The following JAK3 variants were observed in gnomAD, a reference collection of about 807,000 sequenced individuals.
The protein encoded by JAK3 is Janus kinase 3.
In JAK3, 88 loss-of-function variants were observed where a neutral mutation model predicts 120.8. That is an observed-to-expected ratio of 0.73 (90% confidence interval 0.61 to 0.87). The LOEUF (loss-of-function observed/expected upper bound fraction) is 0.87, where lower values mean the gene tolerates loss of function less well. Among genes scored for constraint, JAK3 ranks in the 40% least tolerant of loss-of-function variants. The pLI is 0.00. For missense variants in JAK3, 1,254 were observed against 1,501.4 expected (o/e 0.84, Z 2.72); for synonymous variants, 592 against 628.6 (o/e 0.94, Z 0.87).
At chr19:17,833,491 T>A (rs2094218088) in intron 17 of JAK3, among the ~76,000 whole-genome samples, 1 of 147,426 alleles carries the variant, frequency 6.8e-6, no homozygotes. Flanking sequence ...GAGGATTGCT[T>A]GAGCCAGTAA....
rs1218976425 is a variant in JAK3, at chr19:17,840,242, A to C, written c.1242T>G (p.Thr414=). 1 of 1,612,752 alleles carries C rather than the reference A, an allele frequency of 6.2e-7. No homozygotes were observed. Among genetic ancestry groups the C allele is most frequent in the Admixed American group, 1.7e-5 (1 of 60,000 alleles). ...GCAGTAGACCGACCTGGACACAGAC[A>C]GTGAGGAGGAAGCTGTCAAAGTCCT... ...SPQDFDSFLL[T]VCVQNPLGPD... is the part of the protein sequence containing the mutation. The change falls in exon 9 of 24, where the codon ACT becomes ACG. Residue 414 remains threonine, a synonymous_variant. Coordinates refer to ENST00000458235, the MANE Select transcript of JAK3 (RefSeq NM_000215.4).
chr19:17,834,825 G>T (rs1158660960), intron 16 of JAK3, 27 bp downstream of exon 16: 2 of 1,613,718 alleles, frequency 1.2e-6, no homozygotes, highest in Non-Finnish European at 1.7e-6. Context: ...GGGGTTCGGA[G>T]ACCGATGCCG....
In JAK3 at chr19:17,841,302, C is replaced by T. The variant is rs1401732715; in HGVS notation, c.1142+87G>A. On this transcript the variant is annotated intron_variant, in intron 8 of 23. Transcript: ENST00000458235. This position sits in a 1 kb window ranked among gnomAD's most constrained non-coding sequence, Gnocchi z 4.1. The stretch of plus-strand genomic sequence containing the variant: ...TTGAAAACTTGACCCCTGTCCAGGG[C>T]TCCTGGAAGGTGAGGACACTGAGGC... The T allele has an allele frequency of 1.4e-6, 2 of 1,383,632 alleles. No homozygotes were observed. The highest frequency in any genetic ancestry group is 2.0e-6 in the Non-Finnish European group (2 of 1,017,582). 85.7% of individuals were successfully genotyped at this position (1,383,632 alleles called of 1,614,324 possible). A position where few individuals can be genotyped will look rare whatever the true frequency, so the allele number is the denominator to read the frequency against.
At chr19:17,838,542 TTTG>T (rs1156402741) in intron 10 of JAK3, 152 bp from the exon 11 acceptor site, 4 of 885,270 alleles carry the variant, frequency 4.5e-6, no homozygotes, top group South Asian at 4.3e-5. Context: ...TTGTTTTTGT[TTTG>T]TTGTTGCTGC....
intron 12 of JAK3, 137 bp downstream of exon 12, chr19:17,837,795 C>G: frequency 7.7e-7 from 1 of 1,291,710 alleles, no homozygotes; most frequent in Non-Finnish European, 1.1e-6. Flanking sequence ...ATCCTCCTGC[C>G]TCAGCCTCCC....
chr19:17,831,077 G>A lies in JAK3; in HGVS notation c.2978+151C>T. On this transcript the variant is annotated intron_variant, in intron 21 of 23. Coordinates refer to ENST00000458235, the MANE Select transcript of JAK3 (RefSeq NM_000215.4). This position sits in a 1 kb window ranked among gnomAD's most constrained non-coding sequence, Gnocchi z 5.1. ...GGAGCCAGTGCTGTTGAGGGGGCGG[G>A]GCTCTGGGGAGTGGGAGGGGCCAAA... 1.4e-6 allele frequency: 1 copy of A among 727,084 alleles called. No individual in the cohort carries two copies. Among genetic ancestry groups the A allele is most frequent in the East Asian group, 2.7e-5 (1 of 36,602 alleles). 45.0% of individuals were successfully genotyped at this position (727,084 alleles called of 1,614,324 possible).
chr19:17,844,169 T>C, intron 2 of JAK3, 65 bp downstream of exon 2: 1 of 1,484,172 alleles, frequency 6.7e-7, no homozygotes, highest in Non-Finnish European at 9.2e-7. Flanking sequence ...CTATTCCAGC[T>C]TCCAATCTTG....
At position 17,831,845 on chromosome 19, in the gene JAK3, C is replaced by T. The variant is rs550079184; in HGVS notation, c.2681-47G>A. On this transcript the variant is annotated intron_variant, in intron 19 of 23. Transcript: ENST00000458235. The surrounding 1 kb of genome is among the most constrained non-coding windows in gnomAD (Gnocchi z 5.1). ...ACAGCAGGGCCCAGCCCTGCTCGTC[C>T]CCCCATTCTTCCCCCCTTTCACAGT... 24 of 1,606,090 alleles carry T rather than the reference C, an allele frequency of 1.5e-5. No individual in the cohort carries two copies. In the African/African-American group the frequency reaches 2.7e-4, roughly 18 times the overall value.
At chr19:17,830,291 G>T (rs951241753) in intron 22 of JAK3, 73 bp from the exon 23 acceptor site, 33 of 1,214,714 alleles carry the variant, frequency 2.7e-5, no homozygotes, top group Middle Eastern at 2.7e-4. Context: ...CACCCGTGGT[G>T]GGGGTAGGGG....
In JAK3 at chr19:17,832,987, G is replaced by C. The variant is rs73922623; in HGVS notation, c.2351-58C>G. On this transcript the variant is annotated intron_variant, in intron 17 of 23. Transcript: ENST00000458235. This position sits in a 1 kb window ranked among gnomAD's most constrained non-coding sequence, Gnocchi z 4.7. ...GCCTCTCATCCTGGGCCCCACTCCT[G>C]AGTTGACTTGCTGTGCAACCTCCAT... The C allele has an allele frequency of 2.6e-3, 4,067 of 1,570,772 alleles. 101 individuals are homozygous for C. The African/African-American group carries it at 0.049, about 19-fold the overall frequency.
chr19:17,832,478 C>T lies in JAK3; in HGVS notation c.2680+41G>A. The T allele has an allele frequency of 1.2e-6, 2 of 1,600,726 alleles. No homozygotes were observed. Among genetic ancestry groups the T allele is most frequent in the East Asian group, 2.2e-5 (1 of 44,800 alleles). ...GGGTAAGAATGTGCACTTTGAAAAG[C>T]ACCCATACGTCTTGGTTCACTCATC... On this transcript the variant is annotated intron_variant, in intron 19 of 23. Transcript: ENST00000458235. This position sits in a 1 kb window ranked among gnomAD's most constrained non-coding sequence, Gnocchi z 4.7.
Position 17,832,649 on chromosome 19 carries a change from G to A in JAK3, c.2550C>T (p.Ala850=). Residue 850 remains alanine, a synonymous_variant, in exon 19 of 24, where the codon GCC becomes GCT. Coordinates refer to ENST00000458235, the MANE Select transcript of JAK3 (RefSeq NM_000215.4). This position sits in a 1 kb window ranked among gnomAD's most constrained non-coding sequence, Gnocchi z 4.7. ...GCTGCAGCTGTTTCACGGCCACCAG[G>A]GCACCTGTATTGTCGCCTAGCGGGT... is the stretch of plus-strand genomic sequence containing the variant. ...RYDPLGDNTG[A]LVAVKQLQHS... 6.2e-7 allele frequency: 1 copy of A among 1,614,212 alleles called. No individual in the cohort carries two copies. Among genetic ancestry groups the A allele is most frequent in the Non-Finnish European group, 8.5e-7 (1 of 1,180,046 alleles).
Position 17,839,771 on chromosome 19 carries a change from G to T in JAK3, c.1255-108C>A, listed in dbSNP as rs1385269289. On this transcript the variant is annotated intron_variant, in intron 9 of 23. Coordinates refer to ENST00000458235, the MANE Select transcript of JAK3 (RefSeq NM_000215.4). Reference sequence around the variant, plus strand: ...TTTTTTTTTTTTGGAGACGGAGTCTGGCTCTGTCACCCAGGCTGGAGTGCA... The same window carrying T: ...TTTTTTTTTTTTGGAGACGGAGTCTTGCTCTGTCACCCAGGCTGGAGTGCA... The T allele has an allele frequency of 1.0e-5, 10 of 992,192 alleles. No homozygotes were observed. The Admixed American group carries it at 1.8e-4, about 18-fold the overall frequency. 61.5% of individuals were successfully genotyped at this position (992,192 alleles called of 1,614,324 possible).
At chr19:17,838,116 C>A in intron 11 of JAK3, 53 bp from the exon 12 acceptor site, 1 of 1,613,612 alleles carries the variant, frequency 6.2e-7, no homozygotes, top group Non-Finnish European at 8.5e-7. Context: ...CCTGCAGGAT[C>A]CCAGCCCAAG....
rs1160856608 is a variant in JAK3 at position 17,826,911 on chromosome 19, C to T, written c.3208-1G>A. ...AGCACAGCTTCATGAGCTCGTGAAC[C>T]TGAGGGGCGGGGGACAGATAATGGG... On this transcript the variant is annotated splice_acceptor_variant, in intron 23 of 23. Coordinates refer to ENST00000458235, the MANE Select transcript of JAK3 (RefSeq NM_000215.4). LOFTEE classifies it high-confidence loss of function. 5.0e-6 allele frequency: 8 copies of T among 1,608,170 alleles called. No individual in the cohort carries two copies. The highest frequency in any genetic ancestry group is 1.7e-5 in the Admixed American group (1 of 59,980).
intron 13 of JAK3, chr19:17,836,713 G>C: frequency 2.3e-6 from 1 of 427,088 alleles, no homozygotes; most frequent in Non-Finnish European, 4.4e-6. Flanking sequence ...CAACCCCCAG[G>C]CTGGCCCAGC....
At position 17,826,498 on chromosome 19, in the gene JAK3, T is replaced by C; in HGVS notation, c.*245A>G. ...GAGAGTCTTAAATTTGGTTCCTTGCTTCTTTGGGCCAGGACTCAGAGAGCC... is the reference window on the plus strand; with the variant it reads ...GAGAGTCTTAAATTTGGTTCCTTGCCTCTTTGGGCCAGGACTCAGAGAGCC... On this transcript the variant is annotated 3_prime_UTR_variant, in exon 24 of 24. Coordinates refer to ENST00000458235, the MANE Select transcript of JAK3 (RefSeq NM_000215.4). 1.8e-6 allele frequency: 1 copy of C among 562,306 alleles called. No homozygotes were observed. Among genetic ancestry groups the C allele is most frequent in the Non-Finnish European group, 3.2e-6 (1 of 314,292 alleles). 34.8% of individuals were successfully genotyped at this position (562,306 alleles called of 1,614,324 possible).
intron 12 of JAK3, among the ~76,000 whole-genome samples, 193 bp from the exon 13 acceptor site, chr19:17,837,406 G>GT (rs1300737447): frequency 2.0e-5 from 3 of 151,664 alleles, no homozygotes; most frequent in Non-Finnish European, 4.4e-5. Flanking sequence ...ATCATCTATG[G>GT]TTTTTTGTTT....
chr19:17,831,799 C>G lies in JAK3; in HGVS notation c.2681-1G>C, dbSNP rs2147677183. ...ATGACCAGCCGCAGGCTCTGGCGGC[C>G]TGGAGAAGGCAGGATCTGTCACAGC... On this transcript the variant is annotated splice_acceptor_variant, in intron 19 of 23. Coordinates refer to ENST00000458235, the MANE Select transcript of JAK3 (RefSeq NM_000215.4). LOFTEE classifies it high-confidence loss of function. This position sits in a 1 kb window ranked among gnomAD's most constrained non-coding sequence, Gnocchi z 5.1. 1 of 1,612,786 alleles carries G rather than the reference C, an allele frequency of 6.2e-7. No homozygotes were observed. The highest frequency in any genetic ancestry group is 8.5e-7 in the Non-Finnish European group (1 of 1,179,848).
Sources: gnomAD v4.1 joint callset for allele counts (sites outside exome capture counted in the v4.1 genomes callset) on GRCh38, gnomAD v4.1.1 for gene constraint, Gnocchi (gnomAD v3.1) non-coding constraint, MANE v1.5 for transcripts, NCBI Gene and HGNC (gene_info 2026-07-23, HGNC 2026-07-21) for gene names.